SPMIP2: variants seen among roughly 807,000 people sequenced by gnomAD.
The protein encoded by SPMIP2 is protein SPMIP2.
the SPMIP2 span, among the ~76,000 whole-genome samples, chr4:159,030,463 TTTTATTTATTTA>T: frequency 0.17 from 24,029 of 142,244 alleles, 2,173 homozygotes; most frequent in Admixed American, 0.21. Context: ...GAAAGCAAAA[TTTTATTTATTTA>T]TTTATTTATT....
At chr4:158,906,759 T>G in the SPMIP2 span, 1 of 152,102 alleles carries the variant, frequency 6.6e-6, no homozygotes, top group African/African-American at 2.4e-5. Flanking sequence ...ATATTTAACA[T>G]TCAAGTTTTC....
the SPMIP2 span, among the ~76,000 whole-genome samples, chr4:159,066,592 TATATATA>T: frequency 1.8e-4 from 3 of 17,108 alleles, no homozygotes; most frequent in African/African-American, 4.8e-4. Context: ...GTGTATTTTA[TATATATA>T]TATATATATA....
the SPMIP2 span, among the ~76,000 whole-genome samples, chr4:158,979,789 GTTTT>G: frequency 0.011 from 1,099 of 104,424 alleles, 15 homozygotes; most frequent in African/African-American, 0.039. Flanking sequence ...AGTTGCAAGA[GTTTT>G]TTTTTTTTTT....
the SPMIP2 span, among the ~76,000 whole-genome samples, chr4:158,999,177 A>AC: frequency 1.9e-5 from 1 of 51,552 alleles, no homozygotes; most frequent in South Asian, 8.4e-4. Context: ...CCTCAAAAAA[A>AC]AAAACAACAA....
At chr4:159,016,573 C>G in the SPMIP2 span, among the ~76,000 whole-genome samples, 1 of 152,152 alleles carries the variant, frequency 6.6e-6, no homozygotes, top group Non-Finnish European at 1.5e-5. Flanking sequence ...TTTTCCTTCT[C>G]TCTTAGGGAG....
At chr4:159,050,984 G>A in the SPMIP2 span, among the ~76,000 whole-genome samples, 1 of 151,808 alleles carries the variant, frequency 6.6e-6, no homozygotes, top group Non-Finnish European at 1.5e-5. Context: ...GCGGGTGCCT[G>A]TAGTCTCAGC....
At chr4:159,068,588 C>T in the SPMIP2 span, among the ~76,000 whole-genome samples, 1 of 151,426 alleles carries the variant, frequency 6.6e-6, no homozygotes. Context: ...TGCAGCACAC[C>T]AACATGGCAC....
the SPMIP2 span, chr4:158,893,582 A>G: frequency 1.2e-6 from 1 of 825,512 alleles, no homozygotes; most frequent in Non-Finnish European, 1.9e-6. Context: ...GTACTCTTGC[A>G]AGACATCTGT....
At chr4:158,937,012 AG>A in the SPMIP2 span, among the ~76,000 whole-genome samples, 4 of 152,254 alleles carry the variant, frequency 2.6e-5, no homozygotes, top group East Asian at 7.7e-4. Context: ...CATATCTTGA[AG>A]GGGTAATACC....
the SPMIP2 span, among the ~76,000 whole-genome samples, chr4:159,017,140 C>T: frequency 2.0e-5 from 3 of 152,076 alleles, no homozygotes; most frequent in African/African-American, 7.2e-5. Flanking sequence ...GGACTCCTTC[C>T]CTTTCCGTCA....
the SPMIP2 span, among the ~76,000 whole-genome samples, chr4:159,039,786 A>C: frequency 2.6e-5 from 4 of 152,234 alleles, no homozygotes; most frequent in Non-Finnish European, 4.4e-5. Context: ...GATGTTGGCT[A>C]TTGTCTCGCT....
chr4:158,973,300 T>C, the SPMIP2 span: 2 of 1,609,900 alleles, frequency 1.2e-6, no homozygotes, highest in African/African-American at 1.3e-5. Flanking sequence ...TAATCCTTTA[T>C]GTAGTCTGGA....
At chr4:159,081,400 G>A in the SPMIP2 span, among the ~76,000 whole-genome samples, 2 of 151,860 alleles carry the variant, frequency 1.3e-5, no homozygotes, top group Non-Finnish European at 2.9e-5. Flanking sequence ...TTTTGAGAAT[G>A]TAATTTTAGG....
chr4:158,899,759 G>C, the SPMIP2 span, among the ~76,000 whole-genome samples: 1 of 151,834 alleles, frequency 6.6e-6, no homozygotes, highest in Non-Finnish European at 1.5e-5. Flanking sequence ...TTATTAGTCT[G>C]GCTAGTGGTC....
chr4:159,068,937 A>T, the SPMIP2 span, among the ~76,000 whole-genome samples: 3 of 152,186 alleles, frequency 2.0e-5, no homozygotes, highest in African/African-American at 7.2e-5. Flanking sequence ...TAATAATGCA[A>T]CATCTCTGAG....
chr4:159,078,649 G>A, the SPMIP2 span, among the ~76,000 whole-genome samples: 1 of 152,212 alleles, frequency 6.6e-6, no homozygotes, highest in Non-Finnish European at 1.5e-5. Context: ...ATGACTGCAT[G>A]GGTGGATTGT....
the SPMIP2 span, among the ~76,000 whole-genome samples, chr4:158,981,577 C>T: frequency 6.6e-6 from 1 of 152,084 alleles, no homozygotes; most frequent in Non-Finnish European, 1.5e-5. Context: ...AAAGAATTTT[C>T]AACCCAGAAT....
the SPMIP2 span, among the ~76,000 whole-genome samples, chr4:158,924,965 G>A: frequency 6.6e-6 from 1 of 152,054 alleles, no homozygotes; most frequent in African/African-American, 2.4e-5. Flanking sequence ...CTAGTATTTT[G>A]TTGAATATAT....
the SPMIP2 span, among the ~76,000 whole-genome samples, chr4:158,976,862 A>G: frequency 6.6e-6 from 1 of 151,852 alleles, no homozygotes; most frequent in Non-Finnish European, 1.5e-5. Context: ...GGGTTTCACC[A>G]TGTTGGCCAC....
Sources: allele counts gnomAD v4.1 joint callset (sites outside exome capture counted in the v4.1 genomes callset), GRCh38; gene constraint gnomAD v4.1.1; transcripts MANE v1.5; gene names NCBI Gene and HGNC (gene_info 2026-07-23, HGNC 2026-07-21).